THSD7A: variants seen among roughly 807,000 people sequenced by gnomAD.
THSD7A encodes the protein thrombospondin type-1 domain-containing protein 7A.
THSD7A carries 96 observed loss-of-function variants against 231.3 expected under a neutral mutation model. The observed-to-expected ratio is 0.41, with a 90% CI of 0.35 to 0.49. The LOEUF (loss-of-function observed/expected upper bound fraction) is 0.49, where lower values mean the gene tolerates loss of function less well. THSD7A is among the 20% of genes least tolerant of loss of function. THSD7A has a pLI of 0.05. For synonymous variants in THSD7A, 940 were observed against 743.3 expected, an observed-to-expected ratio of 1.26 and a Z score of -4.30; for missense variants, 2,290 against 2,070.2, an observed-to-expected ratio of 1.11 and a Z score of -2.06.
chr7:11,677,388 T>A lies in THSD7A; in HGVS notation c.191-40427A>T, dbSNP rs1222737552. On this transcript the variant is annotated intron_variant, in intron 1 of 27. Transcript: ENST00000423059. Reference sequence around the variant, plus strand: ...TGGGCAAACTAACCAGCTAACATCATAATGACAGAATCAAATTCACACATA... The same window carrying A: ...TGGGCAAACTAACCAGCTAACATCAAAATGACAGAATCAAATTCACACATA... Among the ~76,000 whole-genome samples, 7 of 151,974 alleles carry A rather than the reference T, an allele frequency of 4.6e-5. No homozygotes were observed. The South Asian group carries it at 1.5e-3, about 32-fold the overall frequency.
At chr7:11,493,692 T>C (rs1414685086) in intron 6 of THSD7A, among the ~76,000 whole-genome samples, 1 of 152,102 alleles carries the variant, frequency 6.6e-6, no homozygotes, top group South Asian at 2.1e-4. Context: ...TTTTAATTTG[T>C]TTCAAAGAGT....
At position 11,636,190 on chromosome 7, in the gene THSD7A, A is replaced by G. The variant is rs780271728; in HGVS notation, c.962T>C (p.Ile321Thr). The G allele has an allele frequency of 5.6e-6, 9 of 1,613,988 alleles. No individual in the cohort carries two copies. The highest frequency in any genetic ancestry group is 1.1e-5 in the South Asian group (1 of 91,082). ...RQENKYWDIQ[I>T]GYQTREVMCI... ...CATAACCTCTCTGGTCTGATATCCAATCTGGATGTCCCAATATTTGTTCTC... is the reference window on the plus strand; with the variant it reads ...CATAACCTCTCTGGTCTGATATCCAGTCTGGATGTCCCAATATTTGTTCTC... The change falls in exon 2 of 28, where the codon ATT becomes ACT. Residue 321 changes from isoleucine (I) to threonine (T), a missense_variant. Coordinates refer to ENST00000423059, the MANE Select transcript of THSD7A (RefSeq NM_015204.3). The surrounding 1 kb of genome is among the most constrained non-coding windows in gnomAD (Gnocchi z 10.0).
chr7:11,401,769 T>TA (rs753806283), intron 23 of THSD7A, 26 bp downstream of exon 23: 311 of 1,575,794 alleles, frequency 2.0e-4, no homozygotes, highest in Non-Finnish European at 2.6e-4. Flanking sequence ...TTGCTTAAGA[T>TA]AGAGTATATG....
intron 6 of THSD7A, among the ~76,000 whole-genome samples, chr7:11,511,396 C>T (rs1159410592): frequency 2.0e-5 from 3 of 152,328 alleles, no homozygotes; most frequent in East Asian, 1.9e-4. Flanking sequence ...CCCCATCAAA[C>T]TACCAATGAC....
chr7:11,664,576 T>C (rs889053869), intron 1 of THSD7A, among the ~76,000 whole-genome samples: 3 of 152,036 alleles, frequency 2.0e-5, no homozygotes, highest in African/African-American at 7.2e-5. Context: ...CCATTGAAAC[T>C]GATGCAAGCT....
intron 2 of THSD7A, among the ~76,000 whole-genome samples, chr7:11,611,820 ACACACACAC>A (rs1195590520): frequency 3.9e-5 from 5 of 127,134 alleles, no homozygotes; most frequent in Non-Finnish European, 7.3e-5. Flanking sequence ...ACACACACAC[ACACACACAC>A]ACTATCATCT....
chr7:11,527,537 C>G (rs918319610), intron 6 of THSD7A, among the ~76,000 whole-genome samples: 1 of 152,178 alleles, frequency 6.6e-6, no homozygotes, highest in Non-Finnish European at 1.5e-5. Context: ...GAAGAATCCT[C>G]TTCCAACTAG....
At chr7:11,776,048 G>A (rs1028261509) in intron 1 of THSD7A, among the ~76,000 whole-genome samples, 1 of 152,174 alleles carries the variant, frequency 6.6e-6, no homozygotes, top group Non-Finnish European at 1.5e-5. Flanking sequence ...TAATAGCAGA[G>A]TAGGTTTCCT....
intron 4 of THSD7A, among the ~76,000 whole-genome samples, chr7:11,554,452 T>C (rs1039192870): frequency 4.6e-5 from 7 of 152,102 alleles, no homozygotes; most frequent in Non-Finnish European, 7.4e-5. Context: ...TAGGTTTTCC[T>C]AGGTGTTATT....
chr7:11,407,499 A>G, intron 19 of THSD7A, 76 bp from the exon 20 acceptor site: 1 of 1,107,636 alleles, frequency 9.0e-7, no homozygotes. Context: ...GACAAGAAAG[A>G]AGAGAAGGAG....
chr7:11,462,085 G>T lies in THSD7A; in HGVS notation c.2427C>A (p.Asn809Lys). Residue 809 changes from asparagine to lysine, a missense_variant, in exon 10 of 28, where the codon AAC (asparagine) becomes AAA (lysine). By Grantham distance (94) the Asn-to-Lys change is moderately conservative. Coordinates refer to ENST00000423059, the MANE Select transcript of THSD7A (RefSeq NM_015204.3). ...GGGGATCTGTGCAGTCTCGGCCCCC[G>T]TTGGCTGGCAGCTGAATGATGACCC... is the stretch of plus-strand genomic sequence containing the variant. Reference protein sequence around the residue: ...RHRVIIQLPANGGRDCTDPLY... With the variant: ...RHRVIIQLPAKGGRDCTDPLY... The T allele has an allele frequency of 1.2e-6, 2 of 1,613,758 alleles. No individual in the cohort carries two copies. Among genetic ancestry groups the T allele is most frequent in the East Asian group, 4.5e-5 (2 of 44,866 alleles).
chr7:11,628,173 T>C (rs1781533677), intron 2 of THSD7A, among the ~76,000 whole-genome samples: 1 of 152,184 alleles, frequency 6.6e-6, no homozygotes, highest in Admixed American at 6.6e-5. Context: ...CTGTTACTAA[T>C]AAATGTGGAA....
intron 1 of THSD7A, among the ~76,000 whole-genome samples, chr7:11,701,179 A>AGTGTGT (rs34791405): frequency 0.015 from 2,274 of 150,398 alleles, 27 homozygotes; most frequent in African/African-American, 0.033. Flanking sequence ...AAAAAACACA[A>AGTGTGT]GTGTGTGTGT....
intron 1 of THSD7A, among the ~76,000 whole-genome samples, chr7:11,749,351 C>T (rs578081076): frequency 1.8e-4 from 27 of 151,884 alleles, no homozygotes; most frequent in Non-Finnish European, 3.7e-4. Flanking sequence ...CCACATATCT[C>T]CCCCTTAATT....
intron 1 of THSD7A, among the ~76,000 whole-genome samples, chr7:11,685,256 C>T (rs999310898): frequency 5.3e-5 from 8 of 151,512 alleles, no homozygotes; most frequent in African/African-American, 1.7e-4. Context: ...TGTAAGACCT[C>T]AAACTATAAA....
intron 1 of THSD7A, among the ~76,000 whole-genome samples, chr7:11,645,757 G>A (rs1197453977): frequency 6.6e-6 from 1 of 151,610 alleles, no homozygotes; most frequent in Non-Finnish European, 1.5e-5. Flanking sequence ...TCACCTATAT[G>A]ATCTCATTTG....
chr7:11,671,367 A>G (rs1783385875), intron 1 of THSD7A, among the ~76,000 whole-genome samples: 1 of 152,186 alleles, frequency 6.6e-6, no homozygotes, highest in Admixed American at 6.5e-5. Flanking sequence ...TAAACTGCTT[A>G]TTAGTAATAA....
chr7:11,529,836 C>A (rs12699202), intron 6 of THSD7A, among the ~76,000 whole-genome samples: 41,436 of 152,092 alleles, frequency 0.27, 7,070 homozygotes, highest in Non-Finnish European at 0.38. Context: ...AAAAACAAGG[C>A]AGTCTCTATG....
intron 2 of THSD7A, among the ~76,000 whole-genome samples, chr7:11,611,289 C>G (rs1780912508): frequency 6.6e-6 from 1 of 152,054 alleles, no homozygotes; most frequent in East Asian, 1.9e-4. Flanking sequence ...ATGCAGATGA[C>G]ACTTTTACAT....
Sources: gnomAD v4.1 joint callset for allele counts (sites outside exome capture counted in the v4.1 genomes callset) on GRCh38, gnomAD v4.1.1 for gene constraint, Gnocchi (gnomAD v3.1) non-coding constraint, MANE v1.5 for transcripts, NCBI Gene and HGNC (gene_info 2026-07-23, HGNC 2026-07-21) for gene names.